The following CILP variants were observed in gnomAD, a reference collection of about 807,000 sequenced individuals.
CILP encodes cartilage intermediate layer protein 1.
A neutral mutation model predicts 82.5 loss-of-function variants in CILP; 75 were observed. The observed-to-expected ratio is 0.91, with a 90% CI of 0.75 to 1.10. The LOEUF is 1.10. Ranked by LOEUF, CILP falls within the 50% of genes least tolerant of loss-of-function variation. The pLI is 0.00. For synonymous variants in CILP, 530 were observed against 580.3 expected (o/e 0.91, Z 1.25); for missense variants, 1,479 against 1,530.8 (o/e 0.97, Z 0.56).
At chr15:65,206,418 G>T (rs1165119017) in intron 4 of CILP, among the ~76,000 whole-genome samples, 1 of 152,058 alleles carries the variant, frequency 6.6e-6, no homozygotes, top group Non-Finnish European at 1.5e-5. Context: ...GAAACTAAGA[G>T]AATTTCAGAA....
At position 65,198,187 on chromosome 15, in the gene CILP, G is replaced by T; in HGVS notation, c.2099C>A (p.Ser700Ter). The change falls in exon 9 of 9, where the codon TCA (serine) becomes TAA (stop). Residue 700 changes from serine to a stop codon, truncating the protein, a stop_gained. Transcript: ENST00000261883. LOFTEE classifies it high-confidence loss of function. Reference protein sequence around the residue: ...PEHISTVKLWSLNPDTGLWEE... With the variant: ...PEHISTVKLW ...CCACAGCCCTGTGTCTGGATTGAGTGACCAGAGTTTCACTGTGGATATGTG... is the reference window on the plus strand; with the variant it reads ...CCACAGCCCTGTGTCTGGATTGAGTTACCAGAGTTTCACTGTGGATATGTG... 6.2e-7 allele frequency: 1 copy of T among 1,614,214 alleles called. No individual in the cohort carries two copies. Among genetic ancestry groups the T allele is most frequent in the South Asian group, 1.1e-5 (1 of 91,060 alleles).
rs991935477 is a variant in CILP at position 65,194,864 on chromosome 15, C to T, written c.*1867G>A. ...CACCTTCCCCAGCAACCCACCCCCC[C>T]CCGACCCTCCCCCTCCCCCCGTGAG... On this transcript the variant is annotated 3_prime_UTR_variant, in exon 9 of 9. Coordinates refer to ENST00000261883, the MANE Select transcript of CILP (RefSeq NM_003613.4). 6.8e-6 allele frequency: 1 copy of T among 146,258 alleles called. No homozygotes were observed. Among genetic ancestry groups the T allele is most frequent in the Non-Finnish European group, 1.5e-5 (1 of 66,448 alleles). 9.1% of individuals were successfully genotyped at this position (146,258 alleles called of 1,614,324 possible).
At chr15:65,201,079 G>A (rs544937168) in intron 8 of CILP, among the ~76,000 whole-genome samples, 6 of 152,030 alleles carry the variant, frequency 3.9e-5, no homozygotes, top group African/African-American at 1.4e-4. Context: ...TCGGCTCACT[G>A]CAACCTCTGC....
At chr15:65,203,934 T>G (rs1016540282) in intron 6 of CILP, among the ~76,000 whole-genome samples, 7 of 152,248 alleles carry the variant, frequency 4.6e-5, no homozygotes, top group African/African-American at 7.2e-5. Context: ...CTCATACATT[T>G]GAGGGAGCAA....
chr15:65,196,813 G>A lies in CILP; in HGVS notation c.3473C>T (p.Ala1158Val), dbSNP rs151140297. 1.1e-4 allele frequency: 185 copies of A among 1,608,950 alleles called. 1 individual carries two copies. In the Middle Eastern group the frequency reaches 1.7e-3, roughly 14 times the overall value. The change falls in exon 9 of 9, where the codon GCG becomes GTG. Residue 1158 changes from alanine to valine, a missense_variant. Physicochemically the swap from Ala to Val is moderately conservative, Grantham distance 64 (BLOSUM62 0). Transcript: ENST00000261883. ...GRVPSRRQQRASRGGQRQGGV... is the reference protein window; with the variant it reads ...GRVPSRRQQRVSRGGQRQGGV... Reference sequence around the variant, plus strand: ...ACCCTGGCGCTGGCCACCCCTGCTCGCTCGCTGCTGCCTCCTCGAGGGCAC... The same window carrying A: ...ACCCTGGCGCTGGCCACCCCTGCTCACTCGCTGCTGCCTCCTCGAGGGCAC...
chr15:65,207,865 G>A, intron 2 of CILP, 101 bp from the exon 3 acceptor site: 2 of 984,948 alleles, frequency 2.0e-6, no homozygotes, highest in Non-Finnish European at 3.2e-6. Context: ...TGGAGCATGA[G>A]CACCAGGCAT....
In CILP at chr15:65,198,738, A is replaced by G; in HGVS notation, c.1548T>C (p.Arg516=). The G allele has an allele frequency of 3.1e-6, 5 of 1,614,144 alleles. No homozygotes were observed. The highest frequency in any genetic ancestry group is 4.2e-6 in the Non-Finnish European group (5 of 1,180,026). Residue 516 remains arginine (R), a synonymous_variant, in exon 9 of 9, where the codon CGT becomes CGC. Coordinates refer to ENST00000261883, the MANE Select transcript of CILP (RefSeq NM_003613.4). ...TGCCCTTGTAGCCAGTCATGCTTAC[A>G]CGGCTGTTCCCCATGTACACATGGC... is the stretch of plus-strand genomic sequence containing the variant. ...RFGHVYMGNS[R]VSMTGYKGTF...
chr15:65,205,853 A>T (rs771199296), intron 4 of CILP, among the ~76,000 whole-genome samples: 6 of 152,322 alleles, frequency 3.9e-5, no homozygotes, highest in South Asian at 2.1e-4. Context: ...GGCCTGCAAC[A>T]TGCAATGACT....
rs1459240049 is a variant in CILP, at chr15:65,209,873, C to A, written c.-106-12G>T. On this transcript the variant is annotated splice_polypyrimidine_tract_variant and intron_variant, in intron 1 of 8. Transcript: ENST00000261883. ...TCAGATCCAGTGACCTGTAAAGAAA[C>A]AAAGCTTGTCAGGTTTCATATTTCT... 1.3e-6 allele frequency: 1 copy of A among 758,854 alleles called. No homozygotes were observed. The allele number at this position is 758,854 out of a possible 1,614,324, so 47.0% of individuals were successfully genotyped here.
Position 65,199,089 on chromosome 15 carries a change from CTCA to C in CILP, c.1194_1196del (p.Asp398del). The C allele has an allele frequency of 1.3e-6, 2 of 1,590,170 alleles. 1 individual carries two copies. Among genetic ancestry groups the C allele is most frequent in the Non-Finnish European group, 1.7e-6 (2 of 1,175,310 alleles). ...TCTCAGGAACTGGGTTGCAAGGAGT[CTCA>C]TCAGATGCTGTGTAGGGAAATGGTG... is the stretch of plus-strand genomic sequence containing the variant. On this transcript the variant is annotated inframe_deletion, in exon 9 of 9. Transcript: ENST00000261883.
At position 65,198,783 on chromosome 15, in the gene CILP, A is replaced by G. The variant is rs373920072; in HGVS notation, c.1503T>C (p.Asn501=). Residue 501 remains asparagine, a synonymous_variant, in exon 9 of 9, where the codon AAT becomes AAC. Transcript: ENST00000261883. ...CATGGCCAAAGCGCATGGGCTCCCC[A>G]TTGTCAGCAGCACTGACACGGCCCC... ...IVRGRVSAAD[N]GEPMRFGHVY... 1 of 1,614,164 alleles carries G rather than the reference A, an allele frequency of 6.2e-7. No homozygotes were observed. Among genetic ancestry groups the G allele is most frequent in the South Asian group, 1.1e-5 (1 of 91,074 alleles).
In CILP at chr15:65,197,971, C is replaced by T. The variant is rs745603261; in HGVS notation, c.2315G>A (p.Gly772Glu). Residue 772 changes from glycine (G) to glutamate (E), a missense_variant, in exon 9 of 9, where the codon GGG becomes GAG. Transcript: ENST00000261883. ...CAGGTTAATCACGGAGATCACAACC[C>T]CCTGGATCTGCTCACTAGGCAAGAA... ...ERFLPSEQIQ[G>E]VVISVINLEP... is the part of the protein sequence containing the mutation. 7.4e-6 allele frequency: 12 copies of T among 1,614,010 alleles called. No homozygotes were observed. Among genetic ancestry groups the T allele is most frequent in the Non-Finnish European group, 9.3e-6 (11 of 1,180,038 alleles).
chr15:65,199,149 CAA>C (rs1334251579), intron 8 of CILP, 50 bp from the exon 9 acceptor site: 1 of 1,324,856 alleles, frequency 7.5e-7, no homozygotes, highest in East Asian at 2.3e-5. Flanking sequence ...ACATCCTACA[CAA>C]AGAGTACCTC....
chr15:65,211,013 T>C (rs1381179179), intron 1 of CILP, among the ~76,000 whole-genome samples: 1 of 152,180 alleles, frequency 6.6e-6, no homozygotes, highest in Non-Finnish European at 1.5e-5. Context: ...AGACACCTTG[T>C]GGAAAAACCA....
chr15:65,197,946 C>T lies in CILP; in HGVS notation c.2340G>A (p.Leu780=). ...IQGVVISVIN[L]EPRTGFLSNP... ...TGGACAAGAAGCCAGTTCTAGGCTCCAGGTTAATCACGGAGATCACAACCC... is the reference window on the plus strand; with the variant it reads ...TGGACAAGAAGCCAGTTCTAGGCTCTAGGTTAATCACGGAGATCACAACCC... Residue 780 remains leucine, a synonymous_variant, in exon 9 of 9, where the codon CTG becomes CTA. Coordinates refer to ENST00000261883, the MANE Select transcript of CILP (RefSeq NM_003613.4). 1 of 1,614,140 alleles carries T rather than the reference C, an allele frequency of 6.2e-7. No homozygotes were observed. The highest frequency in any genetic ancestry group is 1.7e-5 in the Admixed American group (1 of 60,028).
rs375943038 is a variant in CILP, at chr15:65,196,753, G to A, written c.3533C>T (p.Ala1178Val). Residue 1178 changes from alanine to valine, a missense_variant, in exon 9 of 9, where the codon GCT becomes GTT. Ala to Val is a moderately conservative substitution (Grantham distance 64, BLOSUM62 0). Coordinates refer to ENST00000261883, the MANE Select transcript of CILP (RefSeq NM_003613.4). ...AACTTAGTTGATCAGGGGCTGTTGA[G>A]CAACTCTAGGAAATCTCAGAGAGGC... ...VVASLRFPRV[A>V]QQPLIN is the part of the protein sequence containing the mutation. 52 of 1,547,848 alleles carry A rather than the reference G, an allele frequency of 3.4e-5. No homozygotes were observed. The highest frequency in any genetic ancestry group is 4.4e-5 in the Non-Finnish European group (50 of 1,145,254).
At chr15:65,200,362 T>C (rs2088433949) in intron 8 of CILP, among the ~76,000 whole-genome samples, 1 of 152,230 alleles carries the variant, frequency 6.6e-6, no homozygotes, top group Admixed American at 6.5e-5. Flanking sequence ...TCCAGAGTAC[T>C]GTGTGTCTTG....
Position 65,196,832 on chromosome 15 carries a change from A to C in CILP, c.3454T>G (p.Ser1152Ala), listed in dbSNP as rs2140669302. Reference sequence around the variant, plus strand: ...CTGCTCGCTCGCTGCTGCCTCCTCGAGGGCACTCTTCCTTGGACAGTGCCT... The same window carrying C: ...CTGCTCGCTCGCTGCTGCCTCCTCGCGGGCACTCTTCCTTGGACAGTGCCT... ...AAGTVQGRVP[S>A]RRQQRASRGG... The change falls in exon 9 of 9, where the codon TCG becomes GCG. Residue 1152 changes from serine to alanine, a missense_variant. Physicochemically the swap from Ser to Ala is moderately conservative, Grantham distance 99. Coordinates refer to ENST00000261883, the MANE Select transcript of CILP (RefSeq NM_003613.4). The C allele has an allele frequency of 6.2e-7, 1 of 1,612,592 alleles. No individual in the cohort carries two copies. Among genetic ancestry groups the C allele is most frequent in the Non-Finnish European group, 8.5e-7 (1 of 1,178,996 alleles).
rs752943290 is a variant in CILP at position 65,206,990 on chromosome 15, C to T, written c.216G>A (p.Glu72=). 1.9e-6 allele frequency: 3 copies of T among 1,614,036 alleles called. No homozygotes were observed. In the South Asian group the frequency reaches 3.3e-5, roughly 18 times the overall value. Residue 72 remains glutamate (E), a synonymous_variant, in exon 4 of 9, where the codon GAG becomes GAA. Transcript: ENST00000261883. ...AGTAGAAGCGAATGGCGTCCAGCCG[C>T]TCATAGTCGCCCTTCCCGCCTGGGT... The part of the protein sequence containing the change: ...IDYPGGKGDY[E]RLDAIRFYYG...
Sources: allele counts gnomAD v4.1 joint callset (sites outside exome capture counted in the v4.1 genomes callset), GRCh38; gene constraint gnomAD v4.1.1; transcripts MANE v1.5; gene names NCBI Gene and HGNC (gene_info 2026-07-23, HGNC 2026-07-21).